Variants in SAMMSON observed in about 807,000 individuals in gnomAD.
SAMMSON encodes the protein long intergenic non-protein coding RNA 1212.
chr3:70,156,739 T>C (rs2067593731), intron 4 of SAMMSON, among the ~76,000 whole-genome samples: 1 of 152,112 alleles, frequency 6.6e-6, no homozygotes, highest in Admixed American at 6.6e-5. Flanking sequence ...TGTCTGATTT[T>C]TTTTCTTTTG....
intron 7 of SAMMSON, among the ~76,000 whole-genome samples, chr3:70,346,900 T>C (rs905034192): frequency 6.6e-6 from 1 of 152,316 alleles, no homozygotes; most frequent in East Asian, 1.9e-4. Flanking sequence ...TGCTTTAGCT[T>C]CGAGCTGTTG....
chr3:70,386,800 G>A (rs1426555654), intron 9 of SAMMSON, among the ~76,000 whole-genome samples: 1 of 151,940 alleles, frequency 6.6e-6, no homozygotes, highest in Non-Finnish European at 1.5e-5. Flanking sequence ...AAGGTGGCTT[G>A]GAAGAAAATG....
chr3:70,103,712 C>T (rs1420551438), intron 4 of SAMMSON, among the ~76,000 whole-genome samples: 1 of 152,132 alleles, frequency 6.6e-6, no homozygotes, highest in African/African-American at 2.4e-5. Context: ...AATTCTTACT[C>T]AACTCTTTTG....
At chr3:70,201,091 T>C (rs976758088) in intron 4 of SAMMSON, among the ~76,000 whole-genome samples, 1 of 152,164 alleles carries the variant, frequency 6.6e-6, no homozygotes, top group African/African-American at 2.4e-5. Flanking sequence ...TGTGCTGGTT[T>C]GCTACATAGG....
intron 4 of SAMMSON, among the ~76,000 whole-genome samples, chr3:70,171,843 A>G (rs1700959978): frequency 6.6e-6 from 1 of 151,922 alleles, no homozygotes; most frequent in Non-Finnish European, 1.5e-5. Flanking sequence ...CCCCTGCCAC[A>G]TATTTCAGGA....
At chr3:70,281,640 TC>T (rs1486415837) in intron 6 of SAMMSON, among the ~76,000 whole-genome samples, 6 of 152,134 alleles carry the variant, frequency 3.9e-5, no homozygotes, top group Middle Eastern at 3.2e-3. Context: ...ATTTTATGTC[TC>T]TCGGTATTTA....
At chr3:70,008,683 G>A (rs2066940500) in intron 1 of SAMMSON, among the ~76,000 whole-genome samples, 1 of 152,184 alleles carries the variant, frequency 6.6e-6, no homozygotes, top group African/African-American at 2.4e-5. Flanking sequence ...ATGTTGAATA[G>A]GAGTGGTGAG....
chr3:70,397,272 T>A (rs1253029437), intron 2 of SAMMSON, among the ~76,000 whole-genome samples: 2 of 152,148 alleles, frequency 1.3e-5, no homozygotes, highest in African/African-American at 4.8e-5. Context: ...GGATCGCTAG[T>A]ATGTCAAAGA....
intron 7 of SAMMSON, among the ~76,000 whole-genome samples, chr3:70,338,936 A>G (rs1279959307): frequency 1.3e-5 from 2 of 152,342 alleles, no homozygotes; most frequent in East Asian, 3.9e-4. Context: ...AAGAGCCTGC[A>G]TTGCCAAGAC....
intron 4 of SAMMSON, among the ~76,000 whole-genome samples, chr3:70,215,573 C>T (rs2106732668): frequency 6.6e-6 from 1 of 152,192 alleles, no homozygotes; most frequent in East Asian, 1.9e-4. Flanking sequence ...CCTGCAACTC[C>T]AATCCCAATT....
chr3:70,111,092 A>C (rs899594448), intron 4 of SAMMSON, among the ~76,000 whole-genome samples: 1 of 152,098 alleles, frequency 6.6e-6, no homozygotes, highest in African/African-American at 2.4e-5. Context: ...ATGATGTCCA[A>C]ATCCATTGGT....
intron 2 of SAMMSON, among the ~76,000 whole-genome samples, chr3:70,013,099 G>A (rs2066965224): frequency 6.6e-6 from 1 of 152,068 alleles, no homozygotes; most frequent in South Asian, 2.1e-4. Context: ...TTAACTACCT[G>A]TTCCTTTATT....
intron 7 of SAMMSON, among the ~76,000 whole-genome samples, chr3:70,337,819 AT>A (rs1425130241): frequency 1.3e-5 from 2 of 151,928 alleles, no homozygotes; most frequent in Non-Finnish European, 2.9e-5. Flanking sequence ...TTATCTAATA[AT>A]TACTTTTGGT....
intron 6 of SAMMSON, among the ~76,000 whole-genome samples, chr3:70,275,061 A>G (rs1354119076): frequency 6.6e-6 from 1 of 152,220 alleles, no homozygotes; most frequent in African/African-American, 2.4e-5. Context: ...TTCAGGTGAT[A>G]TAAGCCTGCA....
chr3:70,256,232 A>G (rs1215359272), intron 6 of SAMMSON, among the ~76,000 whole-genome samples: 2 of 152,232 alleles, frequency 1.3e-5, no homozygotes, highest in African/African-American at 4.8e-5. Context: ...TTTCTAATAA[A>G]AATGAAGCCA....
At chr3:70,363,594 A>G (rs1702894131) in intron 9 of SAMMSON, among the ~76,000 whole-genome samples, 1 of 152,018 alleles carries the variant, frequency 6.6e-6, no homozygotes, top group Non-Finnish European at 1.5e-5. Context: ...GAAGAGGACT[A>G]TGTATGTGCA....
Position 70,055,568 on chromosome 3 carries a change from C to T in SAMMSON, n.418-15908C>T, listed in dbSNP as rs540101115. On this transcript the variant is annotated intron_variant and non_coding_transcript_variant, in intron 3 of 9. Transcript: ENST00000642114. The stretch of plus-strand genomic sequence containing the variant: ...TATTTCCCCTGAGCTTTCATCCTTC[C>T]GGAAGAATTTATTATTCTCTCCTTA... Among the ~76,000 whole-genome samples the T allele has an allele frequency of 5.5e-4, 84 of 152,150 alleles. No homozygotes were observed. In the South Asian group the frequency reaches 0.016, roughly 28 times the overall value.
intron 9 of SAMMSON, among the ~76,000 whole-genome samples, chr3:70,378,604 C>T (rs1272100441): frequency 6.6e-6 from 1 of 151,980 alleles, no homozygotes; most frequent in Admixed American, 6.6e-5. Context: ...TTTATTATAA[C>T]AGTACAGTTG....
At chr3:70,265,039 C>T (rs1341342573) in intron 6 of SAMMSON, among the ~76,000 whole-genome samples, 4 of 152,126 alleles carry the variant, frequency 2.6e-5, no homozygotes, top group Non-Finnish European at 2.9e-5. Flanking sequence ...CATCAGATAT[C>T]GTGAGACTTA....
Sources: allele counts gnomAD v4.1 joint callset (sites outside exome capture counted in the v4.1 genomes callset), GRCh38; gene constraint gnomAD v4.1.1; transcripts MANE v1.5; gene names NCBI Gene and HGNC (gene_info 2026-07-23, HGNC 2026-07-21).